MKLN1: variants seen among roughly 807,000 people sequenced by gnomAD.
MKLN1 encodes muskelin.
In MKLN1, 18 loss-of-function variants were observed where a neutral mutation model predicts 99.0. The observed-to-expected ratio is 0.18, with a 90% CI of 0.13 to 0.27. The LOEUF (loss-of-function observed/expected upper bound fraction) is 0.27, where lower values mean the gene tolerates loss of function less well. Ranked by LOEUF, MKLN1 falls within the 10% of genes least tolerant of loss-of-function variation. The pLI is 1.00. For missense variants in MKLN1, 621 were observed against 875.9 expected (o/e 0.71, Z 3.67); for synonymous variants, 288 against 293.2 (o/e 0.98, Z 0.18).
intron 3 of MKLN1, among the ~76,000 whole-genome samples, chr7:131,237,990 T>G (rs981799207): frequency 6.6e-6 from 1 of 151,950 alleles, no homozygotes; most frequent in African/African-American, 2.4e-5. Flanking sequence ...CTACTAAAAG[T>G]ACAAAAATTA....
intron 2 of MKLN1, among the ~76,000 whole-genome samples, chr7:131,143,826 T>C (rs1000208127): frequency 2.0e-4 from 30 of 151,856 alleles, no homozygotes; most frequent in Non-Finnish European, 1.2e-4. Context: ...AGACCTTATC[T>C]CAAAAAAAAT....
In MKLN1 at chr7:131,490,969, T is replaced by G. The variant is rs1797408171; in HGVS notation, c.*3241T>G. ...GATGCTTAATGGATCAAAAAAGCAA[T>G]TAGGAGTATGTTCCTGATTTTATTC... On this transcript the variant is annotated 3_prime_UTR_variant, in exon 18 of 18. Transcript: ENST00000352689. The G allele has an allele frequency of 6.6e-6, 1 of 152,390 alleles. No individual in the cohort carries two copies. 9.4% of individuals were successfully genotyped at this position (152,390 alleles called of 1,614,324 possible). A position where few individuals can be genotyped will look rare whatever the true frequency, so the allele number is the denominator to read the frequency against.
At position 131,319,668 on chromosome 7, in the gene MKLN1, G is replaced by A. The variant is rs188768837; in HGVS notation, c.-178-55756G>A. ...GGAAGTCAACTTGTCTCTGTTTGCA[G>A]ACGACATGATTATATATTTAGAAAA... On this transcript the variant is annotated intron_variant, in intron 3 of 7. Coordinates refer to the MKLN1 transcript ENST00000416992. Among the ~76,000 whole-genome samples the A allele has an allele frequency of 6.8e-4, 103 of 152,276 alleles. 1 individual carries two copies. The highest frequency in any genetic ancestry group is 2.2e-3 in the Admixed American group (33 of 15,292).
At chr7:131,458,955 A>G (rs892215515) in intron 12 of MKLN1, among the ~76,000 whole-genome samples, 1 of 152,212 alleles carries the variant, frequency 6.6e-6, no homozygotes, top group East Asian at 1.9e-4. Flanking sequence ...CTCCTATAAT[A>G]AAAGACAGGT....
chr7:131,131,993 C>A (rs1795559119), intron 1 of MKLN1, among the ~76,000 whole-genome samples: 1 of 152,118 alleles, frequency 6.6e-6, no homozygotes, highest in South Asian at 2.1e-4. Flanking sequence ...GTAATAAAAC[C>A]AGAATTCGAA....
In MKLN1 at chr7:131,347,502, A is replaced by T. The variant is rs371608409; in HGVS notation, c.98+19505A>T. Among the ~76,000 whole-genome samples, 32 of 152,248 alleles carry T rather than the reference A, an allele frequency of 2.1e-4. 1 individual carries two copies. The East Asian group carries it at 6.0e-3, about 28-fold the overall frequency. Reference sequence around the variant, plus strand: ...AAGAAGCCAAACAAAAACAAAAAAAACCCAAAGACAAAAAACCCTTACTTG... The same window carrying T: ...AAGAAGCCAAACAAAAACAAAAAAATCCCAAAGACAAAAAACCCTTACTTG... On this transcript the variant is annotated intron_variant, in intron 1 of 17. Coordinates refer to ENST00000352689, the MANE Select transcript of MKLN1 (RefSeq NM_013255.5).
chr7:131,260,740 G>A (rs531546605), intron 3 of MKLN1, among the ~76,000 whole-genome samples: 1 of 152,146 alleles, frequency 6.6e-6, no homozygotes, highest in South Asian at 2.1e-4. Flanking sequence ...CATGAGGAGT[G>A]AAACAGAATA....
chr7:131,362,137 T>G (rs1800049073), intron 1 of MKLN1, among the ~76,000 whole-genome samples: 1 of 152,042 alleles, frequency 6.6e-6, no homozygotes, highest in Non-Finnish European at 1.5e-5. Flanking sequence ...AAATACCTGT[T>G]TATTGTATTT....
At chr7:131,442,170 G>GT (rs1366238074) in intron 10 of MKLN1, among the ~76,000 whole-genome samples, 1 of 152,194 alleles carries the variant, frequency 6.6e-6, no homozygotes, top group African/African-American at 2.4e-5. Flanking sequence ...GGCTAATGAG[G>GT]TAGATCTTTT....
chr7:131,215,264 T>G (rs1344064579), intron 3 of MKLN1, among the ~76,000 whole-genome samples: 3 of 152,190 alleles, frequency 2.0e-5, no homozygotes, highest in African/African-American at 7.2e-5. Flanking sequence ...GCCAGGCTGG[T>G]CGTGACCTCC....
At chr7:131,174,050 G>T (rs1280042407) in intron 2 of MKLN1, among the ~76,000 whole-genome samples, 1 of 143,772 alleles carries the variant, frequency 7.0e-6, no homozygotes, top group African/African-American at 2.6e-5. Flanking sequence ...TCGGCTCACT[G>T]CAAGCTCTGC....
At chr7:131,352,824 T>TA (rs1353853752) in intron 1 of MKLN1, among the ~76,000 whole-genome samples, 2 of 152,202 alleles carry the variant, frequency 1.3e-5, no homozygotes, top group Non-Finnish European at 2.9e-5. Flanking sequence ...TTTCAGCTTT[T>TA]AGTGATTCCT....
At chr7:131,276,365 G>A (rs536043762) in intron 3 of MKLN1, among the ~76,000 whole-genome samples, 1 of 152,146 alleles carries the variant, frequency 6.6e-6, no homozygotes, top group Non-Finnish European at 1.5e-5. Context: ...CAGAGTCAGG[G>A]GTTAGAGGTC....
intron 1 of MKLN1, among the ~76,000 whole-genome samples, chr7:131,353,896 ACCTT>A (rs1799794022): frequency 1.1e-5 from 1 of 92,006 alleles, no homozygotes; most frequent in African/African-American, 4.5e-5. Context: ...TTGCTTTTGT[ACCTT>A]TGTAAAAAAA....
At chr7:131,423,066 G>T (rs924160097) in intron 8 of MKLN1, among the ~76,000 whole-genome samples, 1 of 152,192 alleles carries the variant, frequency 6.6e-6, no homozygotes, top group African/African-American at 2.4e-5. Flanking sequence ...AGTCTGTTGA[G>T]TTAGAAATAT....
chr7:131,121,718 G>T (rs1287685209), intron 1 of MKLN1, among the ~76,000 whole-genome samples: 2 of 149,616 alleles, frequency 1.3e-5, no homozygotes, highest in Non-Finnish European at 3.0e-5. Context: ...ATGCAAGAAT[G>T]GACTATCACA....
intron 12 of MKLN1, among the ~76,000 whole-genome samples, chr7:131,455,561 GA>G (rs1204141467): frequency 2.0e-5 from 3 of 152,030 alleles, no homozygotes; most frequent in Admixed American, 6.6e-5. Context: ...ATATGTTAAT[GA>G]TTAACGTTTA....
intron 3 of MKLN1, among the ~76,000 whole-genome samples, chr7:131,302,229 C>A (rs1054263762): frequency 6.6e-6 from 1 of 152,268 alleles, no homozygotes; most frequent in South Asian, 2.1e-4. Context: ...ATTGTGAGCT[C>A]CTCAATAACC....
chr7:131,153,666 T>G (rs1563233026), intron 2 of MKLN1, among the ~76,000 whole-genome samples: 1 of 146,500 alleles, frequency 6.8e-6, no homozygotes, highest in Non-Finnish European at 1.5e-5. Flanking sequence ...TTTTTTTGGT[T>G]TTTTTTTTTT....
Sources: gnomAD v4.1 joint callset for allele counts (sites outside exome capture counted in the v4.1 genomes callset) on GRCh38, gnomAD v4.1.1 for gene constraint, MANE v1.5 for transcripts, NCBI Gene and HGNC (gene_info 2026-07-23, HGNC 2026-07-21) for gene names.